LRBA: variants seen among roughly 807,000 people sequenced by gnomAD.
LRBA encodes the protein lipopolysaccharide-responsive and beige-like anchor protein.
In LRBA, 176 loss-of-function variants were observed where a neutral mutation model predicts 330.0. The ratio of observed to expected loss-of-function variants is 0.53; its 90% CI spans 0.47 to 0.60. LRBA has a LOEUF of 0.60. LRBA is among the 20% of genes least tolerant of loss of function. The probability of loss-of-function intolerance (pLI) is 0.00; values close to 1 mark genes in which losing one functional copy is unlikely to be tolerated. For synonymous variants in LRBA, 1,230 were observed against 1,193.0 expected, an observed-to-expected ratio of 1.03 and a Z score of -0.64; for missense variants, 3,259 against 3,444.8, an observed-to-expected ratio of 0.95 and a Z score of 1.35.
intron 47 of LRBA, among the ~76,000 whole-genome samples, chr4:150,372,699 A>G (rs1289912575): frequency 2.0e-5 from 2 of 99,076 alleles, no homozygotes; most frequent in Non-Finnish European, 5.0e-5. Flanking sequence ...AAATGTAAAA[A>G]CAATATGTTC....
intron 44 of LRBA, among the ~76,000 whole-genome samples, chr4:150,455,574 C>T (rs991371441): frequency 3.3e-5 from 5 of 151,888 alleles, no homozygotes; most frequent in African/African-American, 1.2e-4. Context: ...TTATGGGATA[C>T]CCAAGATGTT....
Position 150,265,506 on chromosome 4 carries a change from T to C in LRBA, c.*216A>G. On this transcript the variant is annotated 3_prime_UTR_variant, in exon 57 of 57. Transcript: ENST00000651943. ...CTCATTATGACTAAAAATATAGATT[T>C]TTTAAAACTACAGAACCCAGCAGCC... 4.7e-6 allele frequency: 2 copies of C among 424,994 alleles called. No homozygotes were observed. Among genetic ancestry groups the C allele is most frequent in the Non-Finnish European group, 4.3e-6 (1 of 231,280 alleles). 26.3% of individuals were successfully genotyped at this position (424,994 alleles called of 1,614,324 possible).
chr4:150,955,655 G>T (rs1228746839), intron 2 of LRBA, among the ~76,000 whole-genome samples: 1 of 148,422 alleles, frequency 6.7e-6, no homozygotes, highest in Non-Finnish European at 1.5e-5. Flanking sequence ...ACTTTGAAAG[G>T]CCAAGGCATG....
At chr4:150,567,820 G>T (rs1002839404) in intron 40 of LRBA, among the ~76,000 whole-genome samples, 3 of 152,232 alleles carry the variant, frequency 2.0e-5, no homozygotes, top group South Asian at 4.1e-4. Flanking sequence ...ACTCTATAAG[G>T]ATTTATTTAG....
intron 40 of LRBA, among the ~76,000 whole-genome samples, chr4:150,562,557 A>G (rs963354099): frequency 6.6e-6 from 1 of 152,152 alleles, no homozygotes; most frequent in Non-Finnish European, 1.5e-5. Flanking sequence ...TAAGGTCTTA[A>G]CCTCCTGGTA....
At chr4:150,487,972 T>C (rs988972775) in intron 41 of LRBA, 138 bp from the exon 42 acceptor site, 3 of 418,280 alleles carry the variant, frequency 7.2e-6, no homozygotes, top group Non-Finnish European at 4.4e-6. Context: ...TTTTATATAG[T>C]ATATATCAAG....
At chr4:150,971,824 G>A (rs899269112) in intron 2 of LRBA, among the ~76,000 whole-genome samples, 1 of 152,132 alleles carries the variant, frequency 6.6e-6, no homozygotes, top group Non-Finnish European at 1.5e-5. Flanking sequence ...AAACAGGTAT[G>A]CAATCTGAAG....
chr4:150,506,760 T>C (rs1761141909), intron 40 of LRBA, among the ~76,000 whole-genome samples: 1 of 152,162 alleles, frequency 6.6e-6, no homozygotes, highest in Non-Finnish European at 1.5e-5. Flanking sequence ...AGAAAGGGTA[T>C]TCGATTAGGA....
At chr4:150,864,921 C>A (rs926268576) in intron 22 of LRBA, among the ~76,000 whole-genome samples, 19 of 152,056 alleles carry the variant, frequency 1.2e-4, no homozygotes, top group African/African-American at 4.6e-4. Flanking sequence ...CATGCATGTG[C>A]CATCGTGCCT....
At chr4:150,535,745 C>T (rs1307933452) in intron 40 of LRBA, among the ~76,000 whole-genome samples, 1 of 152,008 alleles carries the variant, frequency 6.6e-6, no homozygotes, top group Non-Finnish European at 1.5e-5. Flanking sequence ...CCTAAATAAC[C>T]TAAAAGGTCA....
intron 2 of LRBA, among the ~76,000 whole-genome samples, chr4:150,929,712 C>T (rs916230020): frequency 6.6e-6 from 1 of 151,968 alleles, no homozygotes; most frequent in Non-Finnish European, 1.5e-5. Context: ...AGGGAAGGTT[C>T]GTAAATTTTA....
At chr4:150,353,508 T>C (rs1310235109) in intron 47 of LRBA, among the ~76,000 whole-genome samples, 1 of 152,208 alleles carries the variant, frequency 6.6e-6, no homozygotes, top group African/African-American at 2.4e-5. Context: ...TTTTATTTTA[T>C]GTGTCACCAA....
At chr4:150,286,453 T>A (rs1468028302) in intron 53 of LRBA, among the ~76,000 whole-genome samples, 1 of 152,198 alleles carries the variant, frequency 6.6e-6, no homozygotes, top group Non-Finnish European at 1.5e-5. Flanking sequence ...AAACCCATCA[T>A]AATGAAGACA....
At chr4:150,854,557 A>G (rs989543976) in intron 22 of LRBA, among the ~76,000 whole-genome samples, 2 of 152,220 alleles carry the variant, frequency 1.3e-5, no homozygotes, top group African/African-American at 4.8e-5. Context: ...AATATGTAAG[A>G]TAATGTCAAA....
intron 44 of LRBA, among the ~76,000 whole-genome samples, chr4:150,441,346 T>C (rs1029110343): frequency 6.6e-6 from 1 of 152,010 alleles, no homozygotes; most frequent in Admixed American, 6.6e-5. Context: ...TTTAAGAACA[T>C]AATCAAAACA....
At chr4:150,457,959 T>C (rs1174494492) in intron 44 of LRBA, among the ~76,000 whole-genome samples, 1 of 152,016 alleles carries the variant, frequency 6.6e-6, no homozygotes. Context: ...GATTACTGAC[T>C]GGCAGTGTGT....
At chr4:150,413,123 C>T (rs1473510070) in intron 47 of LRBA, among the ~76,000 whole-genome samples, 1 of 151,776 alleles carries the variant, frequency 6.6e-6, no homozygotes, top group African/African-American at 2.4e-5. Context: ...AGATGGTTAA[C>T]ATTTTCATCA....
rs373782725 is a variant in LRBA, at chr4:150,323,025, G to GTT, written c.7453-1658_7453-1657insAA. 1.6e-3 allele frequency among the ~76,000 whole-genome samples: 231 copies of GTT among 142,640 alleles called. 1 individual carries two copies. Among genetic ancestry groups the GTT allele is most frequent in the African/African-American group, 5.5e-3 (201 of 36,802 alleles). The allele number at this position is 142,640 out of a possible 152,430, so 93.6% of individuals were successfully genotyped here. On this transcript the variant is annotated intron_variant, in intron 49 of 56. Transcript: ENST00000651943. ...TGTGTGTGTGTGTGTGTGTGTGTGT[G>GTT]GGGATGCATTGATGGTTGATGGGGG...
intron 41 of LRBA, among the ~76,000 whole-genome samples, chr4:150,490,531 A>G (rs1758781721): frequency 6.6e-6 from 1 of 151,886 alleles, no homozygotes; most frequent in African/African-American, 2.4e-5. Flanking sequence ...TATATCACAC[A>G]AAAGATTAAA....
Sources: gnomAD v4.1 joint callset for allele counts (sites outside exome capture counted in the v4.1 genomes callset) on GRCh38, gnomAD v4.1.1 for gene constraint, MANE v1.5 for transcripts, NCBI Gene and HGNC (gene_info 2026-07-23, HGNC 2026-07-21) for gene names.